Variants in GRIN2A observed in about 807,000 individuals in gnomAD.
The protein encoded by GRIN2A is glutamate receptor ionotropic, NMDA 2A.
A neutral mutation model predicts 113.4 loss-of-function variants in GRIN2A; 22 were observed. That is an observed-to-expected ratio of 0.19 (90% CI 0.14 to 0.28). GRIN2A has a LOEUF of 0.28. Ranked by LOEUF, GRIN2A falls within the 10% of genes least tolerant of loss-of-function variation. The pLI is 1.00. For missense variants in GRIN2A, 1,502 were observed against 1,887.0 expected, an observed-to-expected ratio of 0.80 and a Z score of 3.78; for synonymous variants, 827 against 738.4, an observed-to-expected ratio of 1.12 and a Z score of -1.94.
chr16:10,084,596 T>C (rs2048049233), intron 2 of GRIN2A, among the ~76,000 whole-genome samples: 1 of 152,114 alleles, frequency 6.6e-6, no homozygotes, highest in Non-Finnish European at 1.5e-5. Flanking sequence ...GCATGTTGGG[T>C]GCCTGCCTCT....
chr16:9,920,199 G>A (rs1030969792), intron 3 of GRIN2A, among the ~76,000 whole-genome samples: 3 of 152,186 alleles, frequency 2.0e-5, no homozygotes, highest in Non-Finnish European at 2.9e-5. Context: ...ACTGTTGAGG[G>A]TAAATGGATA....
chr16:9,881,651 A>T (rs949579401), intron 4 of GRIN2A, among the ~76,000 whole-genome samples: 2 of 152,206 alleles, frequency 1.3e-5, no homozygotes, highest in African/African-American at 4.8e-5. Context: ...CTTTCCATTC[A>T]TTCTCCAAAT....
At chr16:10,013,509 T>C (rs2046548082) in intron 2 of GRIN2A, among the ~76,000 whole-genome samples, 1 of 152,248 alleles carries the variant, frequency 6.6e-6, no homozygotes, top group African/African-American at 2.4e-5. Context: ...CAGTAACTAG[T>C]GGCTCTTGTT....
intron 2 of GRIN2A, among the ~76,000 whole-genome samples, chr16:10,060,851 G>A (rs1159434895): frequency 6.6e-6 from 1 of 152,142 alleles, no homozygotes. Context: ...ACCCACAACA[G>A]TGCAAGCCAA....
chr16:9,788,676 T>G (rs1902397425), intron 11 of GRIN2A, among the ~76,000 whole-genome samples: 1 of 151,878 alleles, frequency 6.6e-6, no homozygotes, highest in Non-Finnish European at 1.5e-5. Flanking sequence ...TCTTTCTTTC[T>G]TCTTGTTCTC....
intron 2 of GRIN2A, among the ~76,000 whole-genome samples, chr16:10,168,916 G>T (rs911190825): frequency 3.3e-5 from 5 of 151,504 alleles, no homozygotes; most frequent in African/African-American, 1.2e-4. Context: ...AGTAAACCAA[G>T]ATCGTGCCAT....
intron 2 of GRIN2A, among the ~76,000 whole-genome samples, chr16:9,992,172 T>C (rs1322373893): frequency 2.6e-5 from 4 of 152,230 alleles, no homozygotes; most frequent in African/African-American, 9.6e-5. Context: ...GGTATGTTTA[T>C]ATCATTTTCT....
At chr16:9,868,441 A>T (rs2043200292) in intron 4 of GRIN2A, among the ~76,000 whole-genome samples, 1 of 151,932 alleles carries the variant, frequency 6.6e-6, no homozygotes, top group African/African-American at 2.4e-5. Context: ...TAATTTTTGT[A>T]TTTTTAGTAG....
chr16:9,788,230 C>T (rs1279121261), intron 11 of GRIN2A, among the ~76,000 whole-genome samples: 1 of 151,708 alleles, frequency 6.6e-6, no homozygotes, highest in African/African-American at 2.4e-5. Context: ...CTTCCTTTCT[C>T]TTCTCTCTCC....
At chr16:9,964,840 T>C (rs2045519606) in intron 2 of GRIN2A, among the ~76,000 whole-genome samples, 2 of 152,212 alleles carry the variant, frequency 1.3e-5, no homozygotes, top group South Asian at 4.1e-4. Flanking sequence ...AAGTCCCCTT[T>C]ACACTATAAG....
chr16:9,765,190 T>C (rs1900837859), intron 12 of GRIN2A, among the ~76,000 whole-genome samples: 3 of 152,186 alleles, frequency 2.0e-5, no homozygotes. Flanking sequence ...GAGTCACACA[T>C]GGAGTTTGAG....
chr16:9,879,092 AGAT>A (rs1567366991), intron 4 of GRIN2A, among the ~76,000 whole-genome samples: 1 of 152,224 alleles, frequency 6.6e-6, no homozygotes, highest in Non-Finnish European at 1.5e-5. Flanking sequence ...CCTGATGCAC[AGAT>A]GATAATTTTA....
At chr16:9,781,255 C>T (rs1901918606) in intron 11 of GRIN2A, among the ~76,000 whole-genome samples, 1 of 152,206 alleles carries the variant, frequency 6.6e-6, no homozygotes, top group African/African-American at 2.4e-5. Context: ...AAAGAGATAG[C>T]ATGTTGCACC....
At chr16:9,865,388 A>G (rs2141410553) in intron 4 of GRIN2A, among the ~76,000 whole-genome samples, 1 of 152,328 alleles carries the variant, frequency 6.6e-6, no homozygotes, top group Non-Finnish European at 1.5e-5. Flanking sequence ...AGAAATGAGA[A>G]TCATGGTGAC....
At chr16:9,888,622 A>G (rs2141475769) in intron 4 of GRIN2A, among the ~76,000 whole-genome samples, 1 of 152,108 alleles carries the variant, frequency 6.6e-6, no homozygotes, top group African/African-American at 2.4e-5. Flanking sequence ...TAAATAAGAT[A>G]TAAGCTTATT....
chr16:9,804,233 T>C (rs1210492636), intron 10 of GRIN2A, among the ~76,000 whole-genome samples: 1 of 152,116 alleles, frequency 6.6e-6, no homozygotes, highest in African/African-American at 2.4e-5. Flanking sequence ...AGAGTATTGG[T>C]CTGATGTGGA....
intron 3 of GRIN2A, among the ~76,000 whole-genome samples, chr16:9,912,725 G>A (rs74849100): frequency 2.0e-5 from 3 of 152,184 alleles, no homozygotes; most frequent in African/African-American, 7.2e-5. Context: ...AAAACACTTT[G>A]TAGAGAGCCT....
At chr16:10,112,422 A>C (rs904664937) in intron 2 of GRIN2A, 9 of 734,674 alleles carry the variant, frequency 1.2e-5, no homozygotes, top group Non-Finnish European at 1.8e-5. Context: ...TGCTGTGTAC[A>C]AGGTGGCCAA....
chr16:10,102,668 T>A (rs181163488), intron 2 of GRIN2A, among the ~76,000 whole-genome samples: 2 of 152,264 alleles, frequency 1.3e-5, no homozygotes, highest in African/African-American at 4.8e-5. Context: ...TGCCTCAGCC[T>A]CCCAAGTAGC....
Sources: gnomAD v4.1 joint callset for allele counts (sites outside exome capture counted in the v4.1 genomes callset) on GRCh38, gnomAD v4.1.1 for gene constraint, MANE v1.5 for transcripts, NCBI Gene and HGNC (gene_info 2026-07-23, HGNC 2026-07-21) for gene names.